Variants in LRRC4C observed in about 807,000 individuals in gnomAD.
LRRC4C encodes the protein leucine rich repeat containing 4C.
LRRC4C carries 5 observed loss-of-function variants against 33.6 expected under a neutral mutation model. That is an observed-to-expected ratio of 0.15 (90% CI 0.08 to 0.31). The LOEUF (loss-of-function observed/expected upper bound fraction) is 0.31. LRRC4C is among the 10% of genes least tolerant of loss of function. LRRC4C has a pLI of 1.00. For missense variants in LRRC4C, 560 were observed against 796.7 expected (o/e 0.70, Z 3.58); for synonymous variants, 329 against 302.0 (o/e 1.09, Z -0.93).
intron 2 of LRRC4C, among the ~76,000 whole-genome samples, chr11:40,741,264 G>T (rs2136906326): frequency 6.6e-6 from 1 of 152,146 alleles, no homozygotes; most frequent in East Asian, 1.9e-4. Context: ...CTGATTAGTT[G>T]TGTGTGAAAA....
chr11:40,444,443 GATTACTTT>G (rs1405859958), intron 3 of LRRC4C, among the ~76,000 whole-genome samples: 2 of 150,060 alleles, frequency 1.3e-5, no homozygotes, highest in South Asian at 2.1e-4. Flanking sequence ...TACAAATTGG[GATTACTTT>G]ATCTAATGTT....
intron 2 of LRRC4C, among the ~76,000 whole-genome samples, chr11:40,813,564 G>A (rs914700228): frequency 1.3e-5 from 2 of 151,856 alleles, no homozygotes; most frequent in Non-Finnish European, 2.9e-5. Context: ...TTCCACCCTG[G>A]CCCCTCCCAA....
At chr11:40,257,624 C>T (rs1590838641) in intron 4 of LRRC4C, among the ~76,000 whole-genome samples, 1 of 152,080 alleles carries the variant, frequency 6.6e-6, no homozygotes, top group Non-Finnish European at 1.5e-5. Flanking sequence ...ACATATATTT[C>T]CAGCCAATAA....
At chr11:41,214,605 C>T (rs1433909459) in intron 1 of LRRC4C, among the ~76,000 whole-genome samples, 39 of 129,184 alleles carry the variant, frequency 3.0e-4, no homozygotes, top group African/African-American at 1.3e-3. Context: ...AAAAAATTAG[C>T]CGGGCGTGGT....
chr11:40,606,636 C>G (rs1320400625), intron 3 of LRRC4C, among the ~76,000 whole-genome samples: 1 of 150,910 alleles, frequency 6.6e-6, no homozygotes, highest in African/African-American at 2.4e-5. Flanking sequence ...AATGAGCTGG[C>G]AAAAATTATA....
intron 2 of LRRC4C, among the ~76,000 whole-genome samples, chr11:40,920,056 A>T (rs4282972): frequency 0.98 from 149,644 of 152,194 alleles, 73,633 homozygotes; most frequent in East Asian, 1. Flanking sequence ...AAGGTCATTA[A>T]CTCATGATGC....
In LRRC4C at chr11:40,272,268, G is replaced by A. The variant is rs568889453; in HGVS notation, c.-175-30670C>T. On this transcript the variant is annotated intron_variant, in intron 4 of 6. Coordinates refer to ENST00000528697, the MANE Select transcript of LRRC4C (RefSeq NM_001258419.2). ...AGAAAAACAAATACAAAGGTCATTC[G>A]CTAACTGTGGAATACTATGAATCCA... Among the ~76,000 whole-genome samples the A allele has an allele frequency of 7.9e-5, 12 of 152,140 alleles. No individual in the cohort carries two copies. The South Asian group carries it at 1.5e-3, about 18-fold the overall frequency.
intron 6 of LRRC4C, 105 bp from the exon 7 acceptor site, chr11:40,116,439 G>A: frequency 8.4e-7 from 1 of 1,197,152 alleles, no homozygotes; most frequent in African/African-American, 1.5e-5. Flanking sequence ...GCCATCATGT[G>A]TGAGACAAAT....
chr11:40,168,668 T>C (rs1268747475), intron 5 of LRRC4C, among the ~76,000 whole-genome samples: 1 of 152,182 alleles, frequency 6.6e-6, no homozygotes. Context: ...ATCACAGTCC[T>C]GCTTTGCTAA....
In LRRC4C at chr11:41,079,178, A is replaced by G. The variant is rs150051305; in HGVS notation, c.-495-145455T>C. On this transcript the variant is annotated intron_variant, in intron 1 of 6. Coordinates refer to ENST00000528697, the MANE Select transcript of LRRC4C (RefSeq NM_001258419.2). The stretch of plus-strand genomic sequence containing the variant: ...TCCCACTACTACATTTGGTTATGCA[A>G]ATACAGCCTTGTAACTGAGGCTGAA... Among the ~76,000 whole-genome samples, 81 of 152,304 alleles carry G rather than the reference A, an allele frequency of 5.3e-4. 3 individuals carry two copies. The East Asian group carries it at 0.012, about 22-fold the overall frequency.
chr11:40,948,954 C>T (rs1230652170), intron 1 of LRRC4C, among the ~76,000 whole-genome samples: 2 of 152,090 alleles, frequency 1.3e-5, no homozygotes, highest in Non-Finnish European at 2.9e-5. Flanking sequence ...CTGACTTCCA[C>T]AATGGTTGAA....
intron 3 of LRRC4C, among the ~76,000 whole-genome samples, chr11:40,391,687 C>T (rs1216441888): frequency 6.6e-6 from 1 of 152,140 alleles, no homozygotes; most frequent in Non-Finnish European, 1.5e-5. Context: ...CACAATTTCC[C>T]TGTTTTTACC....
chr11:40,610,247 G>C (rs912024213), intron 3 of LRRC4C, among the ~76,000 whole-genome samples: 1 of 151,518 alleles, frequency 6.6e-6, no homozygotes, highest in Non-Finnish European at 1.5e-5. Context: ...CAACCAATGT[G>C]GTATACCATA....
chr11:41,169,734 A>G (rs1237385718), intron 1 of LRRC4C, among the ~76,000 whole-genome samples: 1 of 152,178 alleles, frequency 6.6e-6, no homozygotes, highest in African/African-American at 2.4e-5. Context: ...AGGAGATCCC[A>G]GATAGCAACT....
At chr11:40,714,951 G>T (rs1946636734) in intron 2 of LRRC4C, among the ~76,000 whole-genome samples, 1 of 152,104 alleles carries the variant, frequency 6.6e-6, no homozygotes, top group Non-Finnish European at 1.5e-5. Context: ...ACTGACATTT[G>T]AAAAGCAATA....
At chr11:41,372,091 C>T (rs1049121644) in intron 1 of LRRC4C, among the ~76,000 whole-genome samples, 3 of 152,196 alleles carry the variant, frequency 2.0e-5, no homozygotes, top group Admixed American at 1.3e-4. Context: ...GAGCCAAGAT[C>T]GTGCCACTGC....
In LRRC4C at chr11:40,462,834, T is replaced by C. The variant is rs185064552; in HGVS notation, c.-269-143113A>G. Reference sequence around the variant, plus strand: ...TCTCTTTTTTATCCCATCATTTTCATCATCTAAACCTCCTTAGGTTTTATC... The same window carrying C: ...TCTCTTTTTTATCCCATCATTTTCACCATCTAAACCTCCTTAGGTTTTATC... On this transcript the variant is annotated intron_variant, in intron 3 of 6. Transcript: ENST00000528697. 3.5e-3 allele frequency among the ~76,000 whole-genome samples: 536 copies of C among 152,160 alleles called. 8 individuals are homozygous for C. Among genetic ancestry groups the C allele is most frequent in the Non-Finnish European group, 3.4e-3 (231 of 67,992 alleles).
chr11:40,878,285 T>C (rs1397602895), intron 2 of LRRC4C, among the ~76,000 whole-genome samples: 2 of 152,186 alleles, frequency 1.3e-5, no homozygotes, highest in Non-Finnish European at 2.9e-5. Flanking sequence ...CAGATGCAGC[T>C]TAATTACCAC....
intron 1 of LRRC4C, among the ~76,000 whole-genome samples, chr11:41,422,109 G>C (rs1419091892): frequency 1.3e-5 from 2 of 152,024 alleles, no homozygotes; most frequent in Non-Finnish European, 2.9e-5. Context: ...TCCTAGATAG[G>C]AGTGATTAGA....
Sources: allele counts gnomAD v4.1 joint callset (sites outside exome capture counted in the v4.1 genomes callset), GRCh38; gene constraint gnomAD v4.1.1; transcripts MANE v1.5; gene names NCBI Gene and HGNC (gene_info 2026-07-23, HGNC 2026-07-21).